AP3B1: variants seen among roughly 807,000 people sequenced by gnomAD.
AP3B1 encodes the protein adaptor related protein complex 3 subunit beta 1.
AP3B1 carries 61 observed loss-of-function variants against 132.5 expected under a neutral mutation model. That is an observed-to-expected ratio of 0.46 (90% CI 0.37 to 0.57). The LOEUF (loss-of-function observed/expected upper bound fraction) is 0.57, where lower values mean the gene tolerates loss of function less well. AP3B1 is among the 20% of genes least tolerant of loss of function. The probability of loss-of-function intolerance (pLI) is 0.00; values close to 1 mark genes in which losing one functional copy is unlikely to be tolerated. For synonymous variants in AP3B1, 388 were observed against 438.3 expected (o/e 0.89, Z 1.43); for missense variants, 1,120 against 1,289.4 (o/e 0.87, Z 2.01).
intron 21 of AP3B1, among the ~76,000 whole-genome samples, chr5:78,093,998 T>C (rs899308793): frequency 1.3e-5 from 2 of 152,206 alleles, no homozygotes; most frequent in African/African-American, 4.8e-5. Flanking sequence ...CACTCAACAA[T>C]GTGATATCAC....
intron 20 of AP3B1, among the ~76,000 whole-genome samples, chr5:78,108,682 T>G (rs1374423083): frequency 6.6e-6 from 1 of 152,134 alleles, no homozygotes; most frequent in African/African-American, 2.4e-5. Context: ...TATCAAGAGA[T>G]TTAATCTGAT....
chr5:78,016,918 A>G (rs1250360164), intron 25 of AP3B1, among the ~76,000 whole-genome samples: 1 of 152,114 alleles, frequency 6.6e-6, no homozygotes, highest in East Asian at 1.9e-4. Flanking sequence ...CTCATTTAGG[A>G]TTTAAACCTT....
intron 7 of AP3B1, among the ~76,000 whole-genome samples, chr5:78,209,708 C>T (rs1162368066): frequency 6.6e-6 from 1 of 152,152 alleles, no homozygotes; most frequent in African/African-American, 2.4e-5. Context: ...TGAGACCTGG[C>T]TCAGATACTT....
intron 3 of AP3B1, among the ~76,000 whole-genome samples, chr5:78,228,733 T>C (rs186441065): frequency 3.7e-4 from 56 of 152,258 alleles, no homozygotes; most frequent in African/African-American, 1.3e-3. Context: ...GGCCACTAAC[T>C]ATATGTTATG....
chr5:78,058,828 C>T (rs78176557), intron 22 of AP3B1, among the ~76,000 whole-genome samples: 4,016 of 152,182 alleles, frequency 0.026, 191 homozygotes, highest in African/African-American at 0.092. Context: ...GGTGTGGTGC[C>T]GGGTTCTGCT....
At chr5:78,273,906 T>G (rs936683276) in intron 1 of AP3B1, among the ~76,000 whole-genome samples, 1 of 151,816 alleles carries the variant, frequency 6.6e-6, no homozygotes, top group Non-Finnish European at 1.5e-5. Context: ...CCCAGCCCTG[T>G]ATGGAAGAAG....
intron 2 of AP3B1, among the ~76,000 whole-genome samples, chr5:78,261,813 A>G (rs10474533): frequency 0.51 from 77,341 of 150,726 alleles, 20,176 homozygotes; most frequent in Non-Finnish European, 0.55. Context: ...GTGCAGTGGC[A>G]TGATCTTGGC....
chr5:78,223,027 C>CT (rs1554077324), intron 6 of AP3B1, among the ~76,000 whole-genome samples: 4,486 of 127,780 alleles, frequency 0.035, 317 homozygotes, highest in African/African-American at 0.12. Flanking sequence ...TTGTTTGTTT[C>CT]TTTTTTTTTT....
At chr5:78,184,453 G>A (rs1263830991) in intron 7 of AP3B1, among the ~76,000 whole-genome samples, 6 of 151,778 alleles carry the variant, frequency 4.0e-5, no homozygotes, top group African/African-American at 1.2e-4. Context: ...TTTGGGAGGC[G>A]AGGCGGGTGG....
intron 17 of AP3B1, chr5:78,121,747 G>T (rs1223599650): frequency 6.6e-6 from 1 of 152,202 alleles, no homozygotes; most frequent in Non-Finnish European, 1.5e-5. Flanking sequence ...TGGATTCACA[G>T]CCGAATTCTA....
rs200653742 is a variant in AP3B1 at position 78,071,111 on chromosome 5, A to C, written c.2577+18282T>G. ...CTATTATAAAGATCCATGCACACAT[A>C]TGTTCATTGCAGCACTATTCACAAC... is the stretch of plus-strand genomic sequence containing the variant. On this transcript the variant is annotated intron_variant, in intron 22 of 26. Transcript: ENST00000255194. 1.6e-4 allele frequency among the ~76,000 whole-genome samples: 24 copies of C among 152,366 alleles called. No individual in the cohort carries two copies. In the East Asian group the frequency reaches 4.4e-3, roughly 28 times the overall value.
intron 1 of AP3B1, among the ~76,000 whole-genome samples, chr5:78,268,179 T>TAA (rs1298222779): frequency 6.6e-6 from 1 of 152,206 alleles, no homozygotes; most frequent in Non-Finnish European, 1.5e-5. Flanking sequence ...CTATAAATGT[T>TAA]CACCTTAAGG....
intron 22 of AP3B1, among the ~76,000 whole-genome samples, chr5:78,077,625 C>T (rs1749817163): frequency 6.6e-6 from 1 of 152,174 alleles, no homozygotes; most frequent in Non-Finnish European, 1.5e-5. Flanking sequence ...ACTGTTTCAG[C>T]AATACTCCAG....
At chr5:78,260,260 C>G (rs1448310341) in intron 2 of AP3B1, among the ~76,000 whole-genome samples, 1 of 152,056 alleles carries the variant, frequency 6.6e-6, no homozygotes, top group African/African-American at 2.4e-5. Context: ...AAATGAAATG[C>G]CCCCATCACC....
chr5:78,269,667 T>C (rs770510032), intron 1 of AP3B1, among the ~76,000 whole-genome samples: 6 of 152,210 alleles, frequency 3.9e-5, no homozygotes, highest in Non-Finnish European at 7.3e-5. Context: ...CTGTACACTA[T>C]ATCAGTGCTA....
In AP3B1 at chr5:78,210,934, T is replaced by C. The variant is rs1435023186; in HGVS notation, c.786+5121A>G. ...TCCCATAATAGGCTTGAATGACAAATAAAATACTTAAACAATTTTATATCC... is the reference window on the plus strand; with the variant it reads ...TCCCATAATAGGCTTGAATGACAAACAAAATACTTAAACAATTTTATATCC... On this transcript the variant is annotated intron_variant, in intron 7 of 26. Coordinates refer to ENST00000255194, the MANE Select transcript of AP3B1 (RefSeq NM_003664.5). Among the ~76,000 whole-genome samples the C allele has an allele frequency of 2.6e-5, 4 of 152,220 alleles. No individual in the cohort carries two copies. In the South Asian group the frequency reaches 8.3e-4, roughly 32 times the overall value.
At chr5:78,122,550 T>C (rs1013609083) in intron 17 of AP3B1, among the ~76,000 whole-genome samples, 1 of 152,088 alleles carries the variant, frequency 6.6e-6, no homozygotes, top group Non-Finnish European at 1.5e-5. Flanking sequence ...TATACACCAA[T>C]AACGGACAAA....
chr5:78,105,574 T>C (rs563966623), intron 20 of AP3B1, among the ~76,000 whole-genome samples: 1 of 152,288 alleles, frequency 6.6e-6, no homozygotes, highest in South Asian at 2.1e-4. Context: ...CCCTTTACAT[T>C]GTGTAAAGTA....
intron 22 of AP3B1, among the ~76,000 whole-genome samples, chr5:78,070,887 C>T (rs747984112): frequency 1.1e-4 from 16 of 151,686 alleles, no homozygotes; most frequent in East Asian, 3.9e-4. Flanking sequence ...GTCAGAATGG[C>T]GATTAAAAAG....
Sources: allele counts gnomAD v4.1 joint callset (sites outside exome capture counted in the v4.1 genomes callset), GRCh38; gene constraint gnomAD v4.1.1; transcripts MANE v1.5; gene names NCBI Gene and HGNC (gene_info 2026-07-23, HGNC 2026-07-21).